The following RARB variants were observed in gnomAD, a reference collection of about 807,000 sequenced individuals.
RARB encodes the protein HBV-activated protein.
A neutral mutation model predicts 51.9 loss-of-function variants in RARB; 17 were observed. That is an observed-to-expected ratio of 0.33 (90% CI 0.22 to 0.49). The LOEUF is 0.49. Among genes scored for constraint, RARB ranks in the 20% least tolerant of loss-of-function variants. The pLI is 0.99. For missense variants in RARB, 369 were observed against 550.8 expected (o/e 0.67, Z 3.30); for synonymous variants, 215 against 195.4 (o/e 1.10, Z -0.84).
chr3:25,240,604 C>G (rs1048398970), intron 5 of RARB, among the ~76,000 whole-genome samples: 34 of 151,886 alleles, frequency 2.2e-4, no homozygotes, highest in African/African-American at 8.2e-4. Context: ...AGTTTTTGTC[C>G]TTCATTCTAT....
intron 2 of RARB, chr3:25,020,395 G>A (rs2125284549): frequency 6.6e-6 from 1 of 152,094 alleles, no homozygotes; most frequent in Non-Finnish European, 1.5e-5. Flanking sequence ...AGGGCTCCTG[G>A]GCTCAAGCGA....
chr3:25,467,192 G>A (rs1015808790), intron 2 of RARB, among the ~76,000 whole-genome samples: 8 of 152,242 alleles, frequency 5.3e-5, no homozygotes, highest in East Asian at 1.9e-4. Flanking sequence ...AATACCTGAC[G>A]TCACACCTTG....
At chr3:24,914,336 T>G (rs1490920319) in intron 2 of RARB, among the ~76,000 whole-genome samples, 1 of 152,190 alleles carries the variant, frequency 6.6e-6, no homozygotes, top group East Asian at 1.9e-4. Context: ...CACTGAAGTT[T>G]CAAAGCTTTT....
intron 3 of RARB, among the ~76,000 whole-genome samples, chr3:25,526,432 G>C (rs1415058439): frequency 6.6e-6 from 1 of 152,202 alleles, no homozygotes; most frequent in Non-Finnish European, 1.5e-5. Context: ...GTATTCTACT[G>C]TGTGGAGAAT....
At chr3:25,154,923 TG>T (rs1700349990) in intron 4 of RARB, among the ~76,000 whole-genome samples, 1 of 152,136 alleles carries the variant, frequency 6.6e-6, no homozygotes, top group Non-Finnish European at 1.5e-5. Flanking sequence ...GAAGCAGGGG[TG>T]GCATGAGCAT....
intron 2 of RARB, among the ~76,000 whole-genome samples, chr3:24,935,505 T>C (rs1399296480): frequency 4.6e-5 from 7 of 152,176 alleles, no homozygotes; most frequent in Non-Finnish European, 7.3e-5. Context: ...TAGTCTGTTA[T>C]GATTTCACAG....
chr3:25,288,563 T>G (rs973161415), intron 5 of RARB, among the ~76,000 whole-genome samples: 10 of 152,288 alleles, frequency 6.6e-5, no homozygotes, highest in Non-Finnish European at 1.0e-4. Flanking sequence ...AATTTGCATG[T>G]GTGAGTGATT....
chr3:25,128,056 G>C (rs905071562), intron 3 of RARB, among the ~76,000 whole-genome samples: 3 of 152,078 alleles, frequency 2.0e-5, no homozygotes, highest in African/African-American at 7.2e-5. Context: ...GTTGCCTAAG[G>C]CTGGAGTGGT....
chr3:25,186,555 G>A lies in RARB; in HGVS notation c.178+11980G>A, dbSNP rs1158515485. Reference sequence around the variant, plus strand: ...GCTATTTGAATATGAGCAGATGTAGGCAAAATAAGTGGTATATTCACTAAA... The same window carrying A: ...GCTATTTGAATATGAGCAGATGTAGACAAAATAAGTGGTATATTCACTAAA... On this transcript the variant is annotated intron_variant, in intron 5 of 11. Transcript: ENST00000383772. 5.3e-5 allele frequency among the ~76,000 whole-genome samples: 8 copies of A among 152,084 alleles called. No homozygotes were observed. In the East Asian group the frequency reaches 9.7e-4, roughly 18 times the overall value.
intron 5 of RARB, among the ~76,000 whole-genome samples, chr3:25,182,187 G>A (rs542960344): frequency 1.3e-5 from 2 of 152,284 alleles, no homozygotes; most frequent in African/African-American, 4.8e-5. Context: ...TCTTTGGAAT[G>A]AATGAGTGAA....
intron 2 of RARB, among the ~76,000 whole-genome samples, chr3:25,492,264 T>C (rs1410988109): frequency 2.0e-5 from 3 of 152,194 alleles, no homozygotes; most frequent in Admixed American, 2.0e-4. Context: ...AGGTCATGTT[T>C]TGGAAATAGA....
chr3:25,055,845 C>T (rs1698429681), intron 2 of RARB, among the ~76,000 whole-genome samples: 2 of 152,066 alleles, frequency 1.3e-5, no homozygotes, highest in African/African-American at 4.8e-5. Flanking sequence ...CAAAAAGAGT[C>T]ACAGGTGCTG....
intron 2 of RARB, among the ~76,000 whole-genome samples, chr3:24,972,182 C>G (rs1430102285): frequency 6.6e-6 from 1 of 151,888 alleles, no homozygotes; most frequent in African/African-American, 2.4e-5. Flanking sequence ...CACCACCAAC[C>G]TACTCTCTTT....
At chr3:24,932,582 C>G (rs1191070154) in intron 2 of RARB, among the ~76,000 whole-genome samples, 1 of 152,010 alleles carries the variant, frequency 6.6e-6, no homozygotes, top group East Asian at 1.9e-4. Flanking sequence ...TTGTAATTTT[C>G]CAGTAAGCTG....
chr3:25,087,077 C>T (rs559910378), intron 3 of RARB, among the ~76,000 whole-genome samples: 9 of 152,168 alleles, frequency 5.9e-5, no homozygotes, highest in East Asian at 5.8e-4. Flanking sequence ...TAATATAATT[C>T]GATTTTTTTC....
intron 5 of RARB, among the ~76,000 whole-genome samples, chr3:25,382,733 C>T (rs979272006): frequency 3.9e-5 from 6 of 152,128 alleles, no homozygotes; most frequent in African/African-American, 1.4e-4. Context: ...CGGTGTGCAC[C>T]TGTAATCCCA....
In RARB at chr3:25,428,524, G is replaced by T; in HGVS notation, c.-208G>T. Reference sequence around the variant, plus strand: ...CCGGCTGGATTGGCCGAGCAAGCCTGGAAAATGGTAAATGATCATTTGGAT... The same window carrying T: ...CCGGCTGGATTGGCCGAGCAAGCCTTGAAAATGGTAAATGATCATTTGGAT... On this transcript the variant is annotated 5_prime_UTR_variant, in exon 1 of 8. Transcript: ENST00000330688. 1 of 1,276,544 alleles carries T rather than the reference G, an allele frequency of 7.8e-7. No homozygotes were observed. The highest frequency in any genetic ancestry group is 3.0e-5 in the South Asian group (1 of 33,750). The allele number at this position is 1,276,544 out of a possible 1,614,324, so 79.1% of individuals were successfully genotyped here.
At chr3:25,169,172 A>G (rs1236101230) in intron 4 of RARB, among the ~76,000 whole-genome samples, 2 of 152,200 alleles carry the variant, frequency 1.3e-5, no homozygotes, top group African/African-American at 4.8e-5. Context: ...TACCTCCCAC[A>G]TAACATCCTT....
At chr3:24,935,306 G>C (rs1268011478) in intron 2 of RARB, among the ~76,000 whole-genome samples, 3 of 152,052 alleles carry the variant, frequency 2.0e-5, no homozygotes, top group African/African-American at 7.2e-5. Flanking sequence ...AAAGAAAACA[G>C]TACTTAATTT....
Sources: allele counts gnomAD v4.1 joint callset (sites outside exome capture counted in the v4.1 genomes callset), GRCh38; gene constraint gnomAD v4.1.1; transcripts MANE v1.5; gene names NCBI Gene and HGNC (gene_info 2026-07-23, HGNC 2026-07-21).